CFAP91: variants seen among roughly 807,000 people sequenced by gnomAD.
The protein encoded by CFAP91 is cilia- and flagella-associated protein 91.
In CFAP91, 85 loss-of-function variants were observed where a neutral mutation model predicts 95.9. The ratio of observed to expected loss-of-function variants is 0.89; its 90% CI spans 0.74 to 1.06. CFAP91 has a LOEUF of 1.06. Ranked by LOEUF, CFAP91 falls within the 50% of genes least tolerant of loss-of-function variation. CFAP91 has a pLI of 0.00. For synonymous variants in CFAP91, 335 were observed against 327.5 expected, an observed-to-expected ratio of 1.02 and a Z score of -0.25; for missense variants, 962 against 943.4, an observed-to-expected ratio of 1.02 and a Z score of -0.26.
intron 6 of CFAP91, among the ~76,000 whole-genome samples, chr3:119,722,453 T>C (rs1388663612): frequency 6.6e-6 from 1 of 151,860 alleles, no homozygotes; most frequent in Admixed American, 6.6e-5. Flanking sequence ...AGCAAGACTC[T>C]GCCAAAAAAA....
Position 119,730,405 on chromosome 3 carries a change from C to T in CFAP91, c.1018+28C>T, listed in dbSNP as rs771411833. On this transcript the variant is annotated intron_variant, in intron 8 of 17. Coordinates refer to ENST00000273390, the MANE Select transcript of CFAP91 (RefSeq NM_033364.4). ...AATGGTGTAGTATGAACAATGAAGA[C>T]GGTGGAAAAGTGGGCTTTGCTTTGG... The T allele has an allele frequency of 3.5e-5, 56 of 1,595,288 alleles. 2 individuals carry two copies. In the South Asian group the frequency reaches 4.2e-4, roughly 12 times the overall value.
intron 1 of CFAP91, among the ~76,000 whole-genome samples, chr3:119,703,445 G>A (rs752400859): frequency 6.6e-6 from 1 of 152,218 alleles, no homozygotes; most frequent in Non-Finnish European, 1.5e-5. Context: ...GCGCGGGTGC[G>A]CTCCGCTTCG....
At chr3:119,717,318 C>T (rs1225495796) in intron 6 of CFAP91, among the ~76,000 whole-genome samples, 2 of 152,138 alleles carry the variant, frequency 1.3e-5, no homozygotes, top group African/African-American at 2.4e-5. Context: ...AGGACAAGAG[C>T]CAGGCAGAGG....
intron 17 of CFAP91, among the ~76,000 whole-genome samples, chr3:119,763,345 G>A (rs1461053387): frequency 6.6e-6 from 1 of 152,164 alleles, no homozygotes; most frequent in African/African-American, 2.4e-5. Flanking sequence ...GTGAAGAAAA[G>A]AGAACCGTTG....
rs1289668866 is a variant in CFAP91 at position 119,737,454 on chromosome 3, C to A, written c.1433C>A (p.Pro478Gln). 6.2e-7 allele frequency: 1 copy of A among 1,607,806 alleles called. No individual in the cohort carries two copies. Among genetic ancestry groups the A allele is most frequent in the Non-Finnish European group, 8.5e-7 (1 of 1,177,496 alleles). The change falls in exon 11 of 18, where the codon CCA becomes CAA. Residue 478 changes from proline (P) to glutamine (Q), a missense_variant. Coordinates refer to ENST00000273390, the MANE Select transcript of CFAP91 (RefSeq NM_033364.4). Reference protein sequence around the residue: ...QRNPIPQPRLPTPTLEMTSNE... With the variant: ...QRNPIPQPRLQTPTLEMTSNE... ...AACCCAATACCTCAACCTCGGCTTCCAACTCCAACCTTGGAAATGACGTCC... is the reference window on the plus strand; with the variant it reads ...AACCCAATACCTCAACCTCGGCTTCAAACTCCAACCTTGGAAATGACGTCC...
intron 17 of CFAP91, among the ~76,000 whole-genome samples, chr3:119,758,327 C>G (rs929934066): frequency 6.6e-6 from 1 of 152,154 alleles, no homozygotes; most frequent in Non-Finnish European, 1.5e-5. Flanking sequence ...AACTTACATG[C>G]AGAGCTTATG....
intron 13 of CFAP91, among the ~76,000 whole-genome samples, chr3:119,741,325 T>G (rs2054118123): frequency 6.6e-6 from 1 of 152,214 alleles, no homozygotes; most frequent in Non-Finnish European, 1.5e-5. Flanking sequence ...GTGAGGGCTT[T>G]GTAGACTGAA....
chr3:119,703,942 A>AT (rs36057815), intron 1 of CFAP91, among the ~76,000 whole-genome samples: 27,682 of 152,038 alleles, frequency 0.18, 2,654 homozygotes, highest in Admixed American at 0.22. Flanking sequence ...TATAAGCATG[A>AT]TTTTTTCCAA....
chr3:119,722,306 G>T (rs995204591), intron 6 of CFAP91, among the ~76,000 whole-genome samples: 22 of 151,532 alleles, frequency 1.5e-4, no homozygotes, highest in African/African-American at 4.9e-4. Flanking sequence ...AAAATACAGA[G>T]AAATTAGCTG....
chr3:119,755,378 A>C (rs2054406536), intron 17 of CFAP91, among the ~76,000 whole-genome samples: 1 of 152,080 alleles, frequency 6.6e-6, no homozygotes, highest in Non-Finnish European at 1.5e-5. Context: ...TTAGGGAGAG[A>C]ATTAGGTTTA....
intron 17 of CFAP91, among the ~76,000 whole-genome samples, chr3:119,761,594 A>C (rs1394496821): frequency 6.6e-6 from 1 of 151,848 alleles, no homozygotes; most frequent in East Asian, 1.9e-4. Context: ...AAATTCTCAA[A>C]AAAAGTAACA....
chr3:119,718,580 A>AT (rs1322196625), intron 6 of CFAP91, among the ~76,000 whole-genome samples: 5 of 152,118 alleles, frequency 3.3e-5, no homozygotes, highest in Non-Finnish European at 7.4e-5. Flanking sequence ...AAGCAGAATG[A>AT]TTTTTTAAAA....
chr3:119,743,385 T>G (rs1039912013), intron 13 of CFAP91, among the ~76,000 whole-genome samples: 1 of 152,230 alleles, frequency 6.6e-6, no homozygotes, highest in Non-Finnish European at 1.5e-5. Flanking sequence ...CCCAAAGTGC[T>G]GGGATTACAG....
Position 119,733,359 on chromosome 3 carries a change from C to T in CFAP91, c.1202-5C>T. ...ATACTAAAAACATGTGCTTCCTTCCCATAGGATTAGTGGAACTTGAGTCAT... is the reference window on the plus strand; with the variant it reads ...ATACTAAAAACATGTGCTTCCTTCCTATAGGATTAGTGGAACTTGAGTCAT... On this transcript the variant is annotated splice_region_variant and splice_polypyrimidine_tract_variant and intron_variant, in intron 9 of 17. Transcript: ENST00000273390. 6.2e-7 allele frequency: 1 copy of T among 1,613,576 alleles called. No homozygotes were observed. Among genetic ancestry groups the T allele is most frequent in the South Asian group, 1.1e-5 (1 of 90,946 alleles).
In CFAP91 at chr3:119,733,603, A is replaced by G. The variant is rs534037150; in HGVS notation, c.1344+97A>G. On this transcript the variant is annotated intron_variant, in intron 10 of 17. Coordinates refer to ENST00000273390, the MANE Select transcript of CFAP91 (RefSeq NM_033364.4). ...TGCAGCAATGTCCAGTGGGTCAAAC[A>G]TAGACCTACATTCTCTGCTCTGCAC... The G allele has an allele frequency of 3.3e-6, 4 of 1,222,250 alleles. No homozygotes were observed. The East Asian group carries it at 7.0e-5, about 21-fold the overall frequency. 75.7% of individuals were successfully genotyped at this position (1,222,250 alleles called of 1,614,324 possible). A position where few individuals can be genotyped will look rare whatever the true frequency, so the allele number is the denominator to read the frequency against.
chr3:119,703,063 C>A lies in CFAP91; in HGVS notation c.-36C>A, dbSNP rs201869234. On this transcript the variant is annotated 5_prime_UTR_variant, in exon 1 of 18. The change creates a new upstream start codon in the 5' untranslated region. Transcript: ENST00000273390. Reference sequence around the variant, plus strand: ...GCACGCAGTAGCCAGGCCTGACCCGCTGGTCCCTTGCTGGCGGGAGGAAAG... The same window carrying A: ...GCACGCAGTAGCCAGGCCTGACCCGATGGTCCCTTGCTGGCGGGAGGAAAG... 1.3e-6 allele frequency: 2 copies of A among 1,548,750 alleles called. No homozygotes were observed. The highest frequency in any genetic ancestry group is 2.4e-5 in the East Asian group (1 of 40,930).
At position 119,753,834 on chromosome 3, in the gene CFAP91, G is replaced by T. The variant is rs554693484; in HGVS notation, c.*1+2736G>T. 3.9e-5 allele frequency among the ~76,000 whole-genome samples: 6 copies of T among 152,052 alleles called. No individual in the cohort carries two copies. The East Asian group carries it at 5.8e-4, about 15-fold the overall frequency. ...CCTTCCCACTCTTCCCCCCAAGTCC[G>T]CACAGTCCATTGTATCATTCTTATG... On this transcript the variant is annotated intron_variant, in intron 17 of 17. Coordinates refer to ENST00000273390, the MANE Select transcript of CFAP91 (RefSeq NM_033364.4).
At chr3:119,707,062 G>A in intron 2 of CFAP91, 177 bp downstream of exon 2, 1 of 579,808 alleles carries the variant, frequency 1.7e-6, no homozygotes. Context: ...TCATTGTGAG[G>A]ATTAAGTCAC....
intron 5 of CFAP91, chr3:119,715,261 A>G (rs2053551372): frequency 2.1e-6 from 1 of 471,700 alleles, no homozygotes; most frequent in Admixed American, 3.3e-5. Context: ...GCTGTACAGC[A>G]TTCTAGAATA....
Sources: allele counts gnomAD v4.1 joint callset (sites outside exome capture counted in the v4.1 genomes callset), GRCh38; gene constraint gnomAD v4.1.1; transcripts MANE v1.5; gene names NCBI Gene and HGNC (gene_info 2026-07-23, HGNC 2026-07-21).